Variants in COL6A3 observed in about 807,000 individuals in gnomAD.
COL6A3 encodes the protein collagen type VI alpha 3 chain.
COL6A3 carries 137 observed loss-of-function variants against 274.1 expected under a neutral mutation model. That is an observed-to-expected ratio of 0.50 (90% confidence interval 0.44 to 0.58). COL6A3 has a LOEUF of 0.58. Ranked by LOEUF, COL6A3 falls within the 20% of genes least tolerant of loss-of-function variation. The pLI is 0.00. For missense variants in COL6A3, 3,950 were observed against 4,124.9 expected (o/e 0.96, Z 1.16); for synonymous variants, 1,650 against 1,650.6 (o/e 1.00, Z 0.01).
intron 31 of COL6A3, among the ~76,000 whole-genome samples, chr2:237,347,538 G>A (rs1476645642): frequency 1.3e-5 from 2 of 152,180 alleles, no homozygotes; most frequent in South Asian, 4.1e-4. Context: ...CGAGACTGCA[G>A]GTGGGTGCTG....
In COL6A3 at chr2:237,348,398, A is replaced by C. The variant is rs200321672; in HGVS notation, c.6931-14T>G. On this transcript the variant is annotated splice_polypyrimidine_tract_variant and intron_variant, in intron 29 of 43. Transcript: ENST00000295550. ...TCCTCTTTCTCCCTATAAAGGAAAA[A>C]TAGATTATTTAATACTTGGTTCTAA... is the stretch of plus-strand genomic sequence containing the variant. 3.3e-5 allele frequency: 52 copies of C among 1,584,756 alleles called. No homozygotes were observed. The highest frequency in any genetic ancestry group is 4.4e-5 in the Non-Finnish European group (51 of 1,153,356).
At position 237,379,186 on chromosome 2, in the gene COL6A3, G is replaced by A. The variant is rs778681864; in HGVS notation, c.1947C>T (p.Asn649=). ...CATAAGGGAAATTGGTTTTTCCAACGTTGGCTGATCCATCCAAAAGAAAGA... is the reference window on the plus strand; with the variant it reads ...CATAAGGGAAATTGGTTTTTCCAACATTGGCTGATCCATCCAAAAGAAAGA... ...DIIFLLDGSA[N]VGKTNFPYVR... The change falls in exon 6 of 44, where the codon AAC becomes AAT. Residue 649 remains asparagine, a synonymous_variant. Transcript: ENST00000295550. 1.8e-5 allele frequency: 29 copies of A among 1,614,188 alleles called. No homozygotes were observed. The highest frequency in any genetic ancestry group is 1.6e-4 in the Middle Eastern group (1 of 6,062).
chr2:237,410,667 T>C (rs2078836079), intron 1 of COL6A3, among the ~76,000 whole-genome samples: 1 of 152,220 alleles, frequency 6.6e-6, no homozygotes, highest in African/African-American at 2.4e-5. Flanking sequence ...AAATTATATT[T>C]TTCAAAATTA....
intron 11 of COL6A3, 115 bp downstream of exon 11, chr2:237,366,572 G>C: frequency 6.6e-7 from 1 of 1,515,022 alleles, no homozygotes; most frequent in Admixed American, 1.7e-5. Context: ...ATAAGTAAAT[G>C]TATGAAGCAA....
At chr2:237,385,775 C>T (rs546761231) in intron 4 of COL6A3, among the ~76,000 whole-genome samples, 3 of 152,272 alleles carry the variant, frequency 2.0e-5, no homozygotes, top group Non-Finnish European at 2.9e-5. Flanking sequence ...CTCCAGGCAC[C>T]GGGCATGTAG....
Position 237,345,215 on chromosome 2 carries a change from T to G in COL6A3, c.7093-2A>C. The G allele has an allele frequency of 6.2e-7, 1 of 1,614,016 alleles. No homozygotes were observed. The highest frequency in any genetic ancestry group is 8.5e-7 in the Non-Finnish European group (1 of 1,179,928). On this transcript the variant is annotated splice_acceptor_variant, in intron 32 of 43. Coordinates refer to ENST00000295550, the MANE Select transcript of COL6A3 (RefSeq NM_004369.4). LOFTEE classifies it high-confidence loss of function. ...GTCGCCCCTGTTGCCCTTGGGACCC[T>G]GTAAAACCAAGGAACGAAAGGTGAG...
At position 237,334,703 on chromosome 2, in the gene COL6A3, C is replaced by A. The variant is rs1700441073; in HGVS notation, c.9152G>T (p.Gly3051Val). ...TDRVIGGLLA[G>V]QTYHVAVVCY... Reference sequence around the variant, plus strand: ...GACCACAGCCACATGGTATGTCTGCCCAGCGAGCAGGCCTCCAATGACGCG... The same window carrying A: ...GACCACAGCCACATGGTATGTCTGCACAGCGAGCAGGCCTCCAATGACGCG... Residue 3051 changes from glycine (G) to valine (V), a missense_variant, in exon 41 of 44, where the codon GGG (glycine) becomes GTG (valine). Around this residue, in one of 5 missense-constraint regions of COL6A3, gnomAD observed 1,284 missense variants for 1,349.7 expected, o/e 0.95. Coordinates refer to ENST00000295550, the MANE Select transcript of COL6A3 (RefSeq NM_004369.4). 1.2e-6 allele frequency: 2 copies of A among 1,613,806 alleles called. No homozygotes were observed.
intron 3 of COL6A3, among the ~76,000 whole-genome samples, chr2:237,390,696 T>C (rs1559274534): frequency 6.6e-6 from 1 of 152,192 alleles, no homozygotes; most frequent in Non-Finnish European, 1.5e-5. Context: ...ACAATGCCTT[T>C]CTTAGCTCAT....
At chr2:237,365,593 C>G (rs1000553647) in intron 12 of COL6A3, 105 bp downstream of exon 12, 11 of 984,960 alleles carry the variant, frequency 1.1e-5, no homozygotes, top group Non-Finnish European at 1.6e-5. Context: ...CACTAACAAT[C>G]CAGTGAAACA....
chr2:237,408,146 C>A (rs371673964), intron 1 of COL6A3, among the ~76,000 whole-genome samples: 1 of 151,966 alleles, frequency 6.6e-6, no homozygotes, highest in East Asian at 1.9e-4. Context: ...TAAAATCATT[C>A]TTGAAAACAG....
intron 28 of COL6A3, 79 bp from the exon 29 acceptor site, chr2:237,348,742 C>T: frequency 7.8e-7 from 1 of 1,290,154 alleles, no homozygotes; most frequent in Non-Finnish European, 1.1e-6. Context: ...TGCCGCTGCC[C>T]CTGAGAAGTG....
chr2:237,342,021 G>T, intron 37 of COL6A3, 44 bp downstream of exon 37: 1 of 1,482,314 alleles, frequency 6.7e-7, no homozygotes, highest in Non-Finnish European at 9.4e-7. Context: ...ATTATGTTTT[G>T]CAATTGCAGC....
chr2:237,336,049 G>T (rs2106313995), intron 40 of COL6A3, 86 bp downstream of exon 40: 2 of 1,509,916 alleles, frequency 1.3e-6, no homozygotes, highest in Non-Finnish European at 1.8e-6. Flanking sequence ...TATTCTGAGT[G>T]TGTTACATGC....
Position 237,334,627 on chromosome 2 carries a change from T to A in COL6A3, c.9228A>T (p.Thr3076=). ...GACTTGTACTGATCATGTACTTACTTGTACTGAAACTTCCGTGGTAGGTGG... is the reference window on the plus strand; with the variant it reads ...GACTTGTACTGATCATGTACTTACTAGTACTGAAACTTCCGTGGTAGGTGG... ...VRATYHGSFS[T]KKSQPPPPQP... Residue 3076 remains threonine (T), a splice_region_variant and synonymous_variant, in exon 41 of 44, where the codon ACA becomes ACT. Transcript: ENST00000295550. 1 of 1,613,302 alleles carries A rather than the reference T, an allele frequency of 6.2e-7. No homozygotes were observed. Among genetic ancestry groups the A allele is most frequent in the Non-Finnish European group, 8.5e-7 (1 of 1,180,022 alleles).
Position 237,354,784 on chromosome 2 carries a change from T to C in COL6A3, c.6627+115A>G, listed in dbSNP as rs867354967. 7.1e-5 allele frequency: 60 copies of C among 842,870 alleles called. No individual in the cohort carries two copies. In the African/African-American group the frequency reaches 8.0e-4, roughly 11 times the overall value. 52.2% of individuals were successfully genotyped at this position (842,870 alleles called of 1,614,324 possible). A position where few individuals can be genotyped will look rare whatever the true frequency, so the allele number is the denominator to read the frequency against. The stretch of plus-strand genomic sequence containing the variant: ...TGGCGAAATCAACTTTCTAAATTGA[T>C]TGGTATCTGTCTCCGAAGCTTTGGG... On this transcript the variant is annotated intron_variant, in intron 24 of 43. Transcript: ENST00000295550.
chr2:237,384,783 C>T (rs939789235), intron 4 of COL6A3, among the ~76,000 whole-genome samples: 2 of 152,152 alleles, frequency 1.3e-5, no homozygotes, highest in Non-Finnish European at 2.9e-5. Context: ...CACTAACCCA[C>T]AGCCTACCTT....
In COL6A3 at chr2:237,344,196, G is replaced by A; in HGVS notation, c.7668+154C>T. On this transcript the variant is annotated intron_variant, in intron 36 of 43. Coordinates refer to ENST00000295550, the MANE Select transcript of COL6A3 (RefSeq NM_004369.4). This position sits in a 1 kb window ranked among gnomAD's most constrained non-coding sequence, Gnocchi z 4.8. ...GCTGGAGCCACGAGGTTGTCCTGGA[G>A]ACCTCACAAGAGAAGTTCTCAGGCA... 1 of 1,129,622 alleles carries A rather than the reference G, an allele frequency of 8.9e-7. No homozygotes were observed. The highest frequency in any genetic ancestry group is 1.3e-6 in the Non-Finnish European group (1 of 752,468). The allele number at this position is 1,129,622 out of a possible 1,614,324, so 70.0% of individuals were successfully genotyped here. A position where few individuals can be genotyped will look rare whatever the true frequency, so the allele number is the denominator to read the frequency against.
intron 11 of COL6A3, among the ~76,000 whole-genome samples, chr2:237,366,310 G>C (rs1464091994): frequency 1.3e-5 from 2 of 152,176 alleles, no homozygotes; most frequent in South Asian, 2.1e-4. Context: ...TACACCACTG[G>C]TGTTTAGATG....
At chr2:237,331,506 C>T (rs1200151261) in intron 42 of COL6A3, among the ~76,000 whole-genome samples, 1 of 151,992 alleles carries the variant, frequency 6.6e-6, no homozygotes, top group African/African-American at 2.4e-5. Context: ...TAGGTCGGTG[C>T]GAAAGTAATT....
Sources: allele counts gnomAD v4.1 joint callset (sites outside exome capture counted in the v4.1 genomes callset), GRCh38; gene constraint gnomAD v4.1.1; regional missense constraint gnomAD v4.1.1; non-coding constraint Gnocchi (gnomAD v3.1); transcripts MANE v1.5; gene names NCBI Gene and HGNC (gene_info 2026-07-23, HGNC 2026-07-21).